Variants in RAB27A observed in about 807,000 individuals in gnomAD.
RAB27A encodes the protein ras-related protein Rab-27A.
In RAB27A, 17 loss-of-function variants were observed where a neutral mutation model predicts 20.8. The ratio of observed to expected loss-of-function variants is 0.82; its 90% CI spans 0.56 to 1.23. The LOEUF (loss-of-function observed/expected upper bound fraction) is 1.23, where lower values mean the gene tolerates loss of function less well. Among genes scored for constraint, RAB27A ranks in the 50% most tolerant of loss-of-function variants. The pLI is 0.00. For missense variants in RAB27A, 277 were observed against 266.7 expected (o/e 1.04, Z -0.27); for synonymous variants, 85 against 92.8 (o/e 0.92, Z 0.48).
chr15:55,298,899 C>T (rs994421042), intron 2 of RAB27A, among the ~76,000 whole-genome samples: 4 of 152,204 alleles, frequency 2.6e-5, no homozygotes, highest in South Asian at 2.1e-4. Context: ...GGCTCACCAG[C>T]AGTCAGAGTT....
intron 6 of RAB27A, among the ~76,000 whole-genome samples, chr15:55,215,659 A>T (rs1247252512): frequency 7.4e-6 from 1 of 135,036 alleles, no homozygotes; most frequent in East Asian, 2.2e-4. Context: ...CTCAAAAAAA[A>T]AAAAAAGAGT....
chr15:55,206,909 T>C (rs1432441531), intron 6 of RAB27A, among the ~76,000 whole-genome samples: 2 of 152,122 alleles, frequency 1.3e-5, no homozygotes, highest in East Asian at 1.9e-4. Flanking sequence ...CCGAAATACA[T>C]GGCATTTCAT....
intron 6 of RAB27A, among the ~76,000 whole-genome samples, chr15:55,214,790 A>G (rs1278963234): frequency 6.6e-6 from 1 of 152,150 alleles, no homozygotes. Context: ...TTGTGACTGG[A>G]GTCAATATGT....
At chr15:55,271,534 C>A (rs1897704854) in intron 1 of RAB27A, among the ~76,000 whole-genome samples, 1 of 152,238 alleles carries the variant, frequency 6.6e-6, no homozygotes, top group Non-Finnish European at 1.5e-5. Context: ...CTCCTTGGCT[C>A]CTTGTGCCAG....
intron 6 of RAB27A, among the ~76,000 whole-genome samples, chr15:55,222,488 T>C (rs930520111): frequency 5.9e-5 from 9 of 152,270 alleles, no homozygotes; most frequent in African/African-American, 1.9e-4. Flanking sequence ...TCTGGAAATG[T>C]AAACATAACA....
At chr15:55,223,761 C>G in intron 6 of RAB27A, 128 bp downstream of exon 6, 3 of 1,141,744 alleles carry the variant, frequency 2.6e-6, no homozygotes, top group Non-Finnish European at 3.9e-6. Context: ...AGGACACATT[C>G]AACATGCCCC....
intron 6 of RAB27A, among the ~76,000 whole-genome samples, chr15:55,217,791 C>T (rs1895382491): frequency 6.6e-6 from 1 of 151,034 alleles, no homozygotes; most frequent in South Asian, 2.1e-4. Context: ...ACCATGGAGC[C>T]GTATTGCCAA....
intron 2 of RAB27A, among the ~76,000 whole-genome samples, chr15:55,263,805 T>C (rs1042581989): frequency 1.3e-5 from 2 of 152,238 alleles, no homozygotes; most frequent in Admixed American, 6.5e-5. Flanking sequence ...AAAGTCTGTA[T>C]TTCATTTAAC....
upstream of RAB27A, among the ~76,000 whole-genome samples, chr15:55,292,527 A>G (rs955556285): frequency 4.6e-5 from 7 of 152,222 alleles, no homozygotes; most frequent in South Asian, 2.1e-4. Context: ...TATTTAGGAG[A>G]GTGAATCAAG....
At position 55,302,951 on chromosome 15, in the gene RAB27A, C is replaced by T. The variant is rs1238582141; in HGVS notation, c.-112+11088G>A. Among the ~76,000 whole-genome samples, 56 of 127,088 alleles carry T rather than the reference C, an allele frequency of 4.4e-4. No homozygotes were observed. In the South Asian group the frequency reaches 0.011, roughly 26 times the overall value. 83.4% of individuals were successfully genotyped at this position (127,088 alleles called of 152,430 possible). On this transcript the variant is annotated intron_variant, in intron 2 of 5. Transcript: ENST00000563262. ...CCATCTGGGAAGTGAGGAGCATCTC[C>T]GCCCGGCAGCCACCCCGTCCAAGAG...
intron 2 of RAB27A, among the ~76,000 whole-genome samples, chr15:55,304,666 C>T (rs1451035883): frequency 6.6e-6 from 1 of 152,080 alleles, no homozygotes; most frequent in Non-Finnish European, 1.5e-5. Context: ...TAATTTTTTC[C>T]ATGTTATAGC....
At chr15:55,221,311 T>G (rs1895558785) in intron 6 of RAB27A, among the ~76,000 whole-genome samples, 1 of 152,098 alleles carries the variant, frequency 6.6e-6, no homozygotes, top group African/African-American at 2.4e-5. Context: ...ACTGACATAC[T>G]CTCAAAAGAA....
chr15:55,315,237 T>C (rs1162600557), intron 1 of RAB27A, among the ~76,000 whole-genome samples: 1 of 152,188 alleles, frequency 6.6e-6, no homozygotes, highest in Non-Finnish European at 1.5e-5. Context: ...GACCCCTTCC[T>C]TACACCTTAT....
chr15:55,222,988 ATGCTGC>A (rs148830551), intron 6 of RAB27A, among the ~76,000 whole-genome samples: 1 of 151,596 alleles, frequency 6.6e-6, no homozygotes, highest in African/African-American at 2.4e-5. Flanking sequence ...TGTCCAGTTC[ATGCTGC>A]TGCTGCTGCT....
At chr15:55,232,877 A>C (rs539901253) in intron 3 of RAB27A, among the ~76,000 whole-genome samples, 1 of 152,200 alleles carries the variant, frequency 6.6e-6, no homozygotes, top group Non-Finnish European at 1.5e-5. Flanking sequence ...ATCCCTCAGC[A>C]CTTTGGGAGG....
rs59697709 is a variant in RAB27A, at chr15:55,267,383, GAA to G, written c.-23+2780_-23+2781del. ...GAGCAAAGCAGATTCTGCCTTCAGA[GAA>G]GCAGCAGCAAAGATAGCTCATTTCT... is the stretch of plus-strand genomic sequence containing the variant. On this transcript the variant is annotated intron_variant, in intron 2 of 6. Coordinates refer to ENST00000336787, the MANE Select transcript of RAB27A (RefSeq NM_183235.3). Among the ~76,000 whole-genome samples the G allele has an allele frequency of 3.3e-3, 506 of 152,280 alleles. 1 individual carries two copies. The highest frequency in any genetic ancestry group is 0.012 in the African/African-American group (480 of 41,566).
chr15:55,215,588 C>A (rs868575912), intron 6 of RAB27A, among the ~76,000 whole-genome samples: 6 of 139,342 alleles, frequency 4.3e-5, no homozygotes, highest in African/African-American at 1.7e-4. Flanking sequence ...GGAAGCGGAG[C>A]TTGCAGTGAG....
intron 2 of RAB27A, among the ~76,000 whole-genome samples, chr15:55,262,529 G>A (rs1177924828): frequency 1.5e-4 from 20 of 131,618 alleles, no homozygotes; most frequent in African/African-American, 5.4e-4. Context: ...GCAACAGAGT[G>A]AGACTCTGAC....
chr15:55,246,785 T>C (rs481665), intron 2 of RAB27A, among the ~76,000 whole-genome samples: 28 of 151,950 alleles, frequency 1.8e-4, no homozygotes, highest in African/African-American at 6.5e-4. Context: ...TAGCTAAACA[T>C]GCCTCTTACC....
Sources: allele counts gnomAD v4.1 joint callset (sites outside exome capture counted in the v4.1 genomes callset), GRCh38; gene constraint gnomAD v4.1.1; transcripts MANE v1.5; gene names NCBI Gene and HGNC (gene_info 2026-07-23, HGNC 2026-07-21).